NEK6: variants seen among roughly 807,000 people sequenced by gnomAD.
The protein encoded by NEK6 is serine/threonine-protein kinase Nek6.
A neutral mutation model predicts 43.5 loss-of-function variants in NEK6; 27 were observed. The ratio of observed to expected loss-of-function variants is 0.62; its 90% CI spans 0.46 to 0.86. NEK6 has a LOEUF of 0.86. Among genes scored for constraint, NEK6 ranks in the 40% least tolerant of loss-of-function variants. The pLI is 0.00. For synonymous variants in NEK6, 167 were observed against 164.1 expected, an observed-to-expected ratio of 1.02 and a Z score of -0.14; for missense variants, 318 against 414.4, an observed-to-expected ratio of 0.77 and a Z score of 2.02.
intron 1 of NEK6, among the ~76,000 whole-genome samples, chr9:124,271,921 C>T (rs991304254): frequency 2.0e-5 from 3 of 152,254 alleles, no homozygotes; most frequent in South Asian, 2.1e-4. Context: ...CAGGTGGCAG[C>T]GGCAGAGTTA....
chr9:124,352,375 A>T lies in NEK6; in HGVS notation c.*1428A>T, dbSNP rs1830318973. On this transcript the variant is annotated 3_prime_UTR_variant, in exon 10 of 10. Transcript: ENST00000320246. The stretch of plus-strand genomic sequence containing the variant: ...TCTCCATATGCAGCCTTTCCTCTGT[A>T]CTTTTCTCCATGGTTGAAATAAAAC... 6.6e-6 allele frequency: 1 copy of T among 152,192 alleles called. No homozygotes were observed. Among genetic ancestry groups the T allele is most frequent in the Non-Finnish European group, 1.5e-5 (1 of 68,032 alleles). The allele number at this position is 152,192 out of a possible 1,614,324, so 9.4% of individuals were successfully genotyped here. A position where few individuals can be genotyped will look rare whatever the true frequency, so the allele number is the denominator to read the frequency against.
chr9:124,296,023 T>G (rs73666850), intron 1 of NEK6, among the ~76,000 whole-genome samples: 2,458 of 152,382 alleles, frequency 0.016, 74 homozygotes, highest in African/African-American at 0.055. Flanking sequence ...GGTCCGGCCT[T>G]GACCCAGCCA....
chr9:124,327,215 A>G (rs556667535), intron 6 of NEK6, 123 bp from the exon 7 acceptor site: 1 of 750,718 alleles, frequency 1.3e-6, no homozygotes, highest in African/African-American at 1.7e-5. Context: ...GAGCCAGGAC[A>G]GGGCCTTGCC....
intron 1 of NEK6, among the ~76,000 whole-genome samples, chr9:124,284,040 T>C (rs545296240): frequency 3.3e-5 from 5 of 152,348 alleles, no homozygotes; most frequent in Admixed American, 2.6e-4. Flanking sequence ...GTGGCTTGGT[T>C]TCCCCATCTT....
At chr9:124,333,251 C>T (rs745643752) in intron 7 of NEK6, among the ~76,000 whole-genome samples, 45 of 152,326 alleles carry the variant, frequency 3.0e-4, no homozygotes, top group Non-Finnish European at 5.3e-4. Context: ...CTATTGTCAG[C>T]GTAGACACCA....
chr9:124,293,469 G>A (rs1023284010), intron 1 of NEK6, among the ~76,000 whole-genome samples: 2 of 152,248 alleles, frequency 1.3e-5, no homozygotes, highest in South Asian at 4.1e-4. Flanking sequence ...TGAGAGACAA[G>A]ATGTTTACAG....
At chr9:124,319,355 C>T (rs1833959405) in intron 4 of NEK6, among the ~76,000 whole-genome samples, 1 of 151,856 alleles carries the variant, frequency 6.6e-6, no homozygotes, top group African/African-American at 2.4e-5. Context: ...GGACATTAGT[C>T]CTTTGTCAGA....
chr9:124,324,625 G>A lies in NEK6; in HGVS notation c.406-1705G>A, dbSNP rs878679. On this transcript the variant is annotated intron_variant, in intron 5 of 9. Transcript: ENST00000320246. This position sits in a 1 kb window ranked among gnomAD's most constrained non-coding sequence, Gnocchi z 5.3. ...CGTGAATAACATCCCGGCCTGGCCC[G>A]CCACAGGCCTGGAGGTGGCCTGGGG... is the stretch of plus-strand genomic sequence containing the variant. Among the ~76,000 whole-genome samples the A allele has an allele frequency of 4.2e-4, 64 of 152,266 alleles. 1 individual carries two copies. In the South Asian group the frequency reaches 0.012, roughly 29 times the overall value.
chr9:124,297,739 A>T (rs1229243835), intron 1 of NEK6, among the ~76,000 whole-genome samples: 1 of 152,238 alleles, frequency 6.6e-6, no homozygotes, highest in African/African-American at 2.4e-5. Flanking sequence ...TTGTTCTGCA[A>T]CTTGGCAGGA....
chr9:124,325,663 GCTCA>G (rs1339415642), intron 5 of NEK6, among the ~76,000 whole-genome samples: 2 of 152,256 alleles, frequency 1.3e-5, no homozygotes, highest in African/African-American at 4.8e-5. Context: ...GTTACTTACA[GCTCA>G]CTCAGTGTGG....
chr9:124,333,483 G>A (rs1471921977), intron 7 of NEK6, among the ~76,000 whole-genome samples: 1 of 152,200 alleles, frequency 6.6e-6, no homozygotes. Flanking sequence ...GTGCTGCCAG[G>A]CTCAGGATGG....
chr9:124,297,224 G>A (rs914273015), intron 1 of NEK6, among the ~76,000 whole-genome samples: 12 of 152,230 alleles, frequency 7.9e-5, no homozygotes, highest in African/African-American at 2.9e-4. Context: ...CAGGCCCCAT[G>A]TCTGTCACAT....
chr9:124,339,463 G>A, intron 7 of NEK6, 108 bp from the exon 8 acceptor site: 1 of 772,836 alleles, frequency 1.3e-6, no homozygotes, highest in Non-Finnish European at 2.3e-6. Flanking sequence ...CAGAGACCGA[G>A]GCACAATCTC....
At chr9:124,270,439 A>G (rs1468884370) in intron 1 of NEK6, among the ~76,000 whole-genome samples, 1 of 152,134 alleles carries the variant, frequency 6.6e-6, no homozygotes, top group Non-Finnish European at 1.5e-5. Context: ...TCAGAAGTCC[A>G]TGGAAATAAA....
chr9:124,331,771 T>C (rs1451856824), intron 7 of NEK6, among the ~76,000 whole-genome samples: 1 of 152,124 alleles, frequency 6.6e-6, no homozygotes, highest in Non-Finnish European at 1.5e-5. Flanking sequence ...ATTTGCTGAG[T>C]GGATGGACGA....
chr9:124,350,818 A>G lies in NEK6; in HGVS notation c.832-19A>G. ...AAGACTGCTTTCTTGAGAATAACAC[A>G]CCATTCTCTCCCCTGCAGTTACGAG... On this transcript the variant is annotated intron_variant, in intron 9 of 9. Coordinates refer to ENST00000320246, the MANE Select transcript of NEK6 (RefSeq NM_014397.6). The G allele has an allele frequency of 1.3e-6, 2 of 1,570,800 alleles. No individual in the cohort carries two copies. The highest frequency in any genetic ancestry group is 1.1e-5 in the South Asian group (1 of 90,028).
intron 1 of NEK6, chr9:124,293,065 C>T: frequency 7.0e-7 from 1 of 1,430,382 alleles, no homozygotes; most frequent in Non-Finnish European, 9.2e-7. Context: ...GATGGTGGGC[C>T]TGCTAGCGGG....
chr9:124,316,780 C>T (rs1289674352), intron 4 of NEK6, among the ~76,000 whole-genome samples: 2 of 152,164 alleles, frequency 1.3e-5, no homozygotes, highest in African/African-American at 4.8e-5. Flanking sequence ...GGGAGCCCTT[C>T]CTTAACCCCC....
intron 1 of NEK6, among the ~76,000 whole-genome samples, chr9:124,269,956 C>T (rs888813320): frequency 6.6e-6 from 1 of 152,142 alleles, no homozygotes; most frequent in African/African-American, 2.4e-5. Context: ...ACAGTCCAGC[C>T]AGTTAAATCA....
Sources: gnomAD v4.1 joint callset for allele counts (sites outside exome capture counted in the v4.1 genomes callset) on GRCh38, gnomAD v4.1.1 for gene constraint, Gnocchi (gnomAD v3.1) non-coding constraint, MANE v1.5 for transcripts, NCBI Gene and HGNC (gene_info 2026-07-23, HGNC 2026-07-21) for gene names.